SLC9C2: variants seen among roughly 807,000 people sequenced by gnomAD.
SLC9C2 encodes the protein solute carrier family 9 member C2 (putative), also known as sodium/hydrogen exchanger 11.
A neutral mutation model predicts 140.2 loss-of-function variants in SLC9C2; 75 were observed. The observed-to-expected ratio is 0.53, with a 90% confidence interval of 0.44 to 0.65. SLC9C2 has a LOEUF of 0.65. Among genes scored for constraint, SLC9C2 ranks in the 30% least tolerant of loss-of-function variants. The pLI is 0.00. For missense variants in SLC9C2, 1,074 were observed against 1,331.8 expected (o/e 0.81, Z 3.01); for synonymous variants, 375 against 420.9 (o/e 0.89, Z 1.34).
rs1304209360 is a variant in SLC9C2, at chr1:173,550,440, A to ATT, written c.1298-1890_1298-1889dup. 3.2e-3 allele frequency among the ~76,000 whole-genome samples: 399 copies of ATT among 124,214 alleles called. 8 individuals carry two copies. Among genetic ancestry groups the ATT allele is most frequent in the African/African-American group, 0.014 (382 of 27,156 alleles). The allele number at this position is 124,214 out of a possible 152,430, so 81.5% of individuals were successfully genotyped here. On this transcript the variant is annotated intron_variant, in intron 11 of 27. Coordinates refer to ENST00000367714, the MANE Select transcript of SLC9C2 (RefSeq NM_178527.4). Reference sequence around the variant, plus strand: ...TTTTATTTTATTTATTTATTTATTTATTTATTTATTTATTTTTGAGGAGGA... The same window carrying ATT: ...TTTTATTTTATTTATTTATTTATTTATTTTTATTTATTTATTTTTGAGGAGGA...
At chr1:173,591,056 G>C (rs774085914) in intron 4 of SLC9C2, among the ~76,000 whole-genome samples, 16 of 152,038 alleles carry the variant, frequency 1.1e-4, no homozygotes, top group Non-Finnish European at 2.2e-4. Context: ...GTAGGCCCCA[G>C]TGTCTGTTGT....
chr1:173,577,042 A>G (rs2102198734), intron 7 of SLC9C2, among the ~76,000 whole-genome samples: 1 of 152,356 alleles, frequency 6.6e-6, no homozygotes, highest in East Asian at 1.9e-4. Flanking sequence ...TAATATGTAA[A>G]TGGATGTGTC....
intron 27 of SLC9C2, among the ~76,000 whole-genome samples, chr1:173,501,505 CTT>C (rs35363966): frequency 6.2e-5 from 6 of 96,338 alleles, no homozygotes; most frequent in Middle Eastern, 8.1e-3. Context: ...TTATTTGACT[CTT>C]TTTTTTTTTT....
chr1:173,512,095 A>G (rs891217582), intron 23 of SLC9C2, among the ~76,000 whole-genome samples: 2 of 152,182 alleles, frequency 1.3e-5, no homozygotes, highest in Non-Finnish European at 2.9e-5. Flanking sequence ...TGATGCCTCC[A>G]GCTTTGTTCT....
intron 5 of SLC9C2, 132 bp downstream of exon 5, chr1:173,587,533 C>T: frequency 1.2e-6 from 1 of 825,680 alleles, no homozygotes; most frequent in Non-Finnish European, 1.8e-6. Context: ...AGTGCTCTAC[C>T]TCTCAAGGTG....
chr1:173,549,910 G>A (rs1262067310), intron 11 of SLC9C2, among the ~76,000 whole-genome samples: 3 of 152,098 alleles, frequency 2.0e-5, no homozygotes, highest in Admixed American at 6.5e-5. Context: ...AGAGTAGGAG[G>A]AATCACAAGA....
intron 2 of SLC9C2, among the ~76,000 whole-genome samples, 148 bp downstream of exon 2, chr1:173,601,485 ATAGACACTACTTATAAT>A (rs1666780001): frequency 6.6e-6 from 1 of 152,228 alleles, no homozygotes; most frequent in African/African-American, 2.4e-5. Context: ...GGAATATAGA[ATAGACACTACTTATAAT>A]TAAATGAAGC....
chr1:173,591,085 G>A (rs1242407618), intron 4 of SLC9C2, among the ~76,000 whole-genome samples: 2 of 152,000 alleles, frequency 1.3e-5, no homozygotes, highest in African/African-American at 4.8e-5. Flanking sequence ...TTGTGTCCAT[G>A]AGTTCTCACC....
At chr1:173,597,476 T>G (rs922588540) in intron 4 of SLC9C2, among the ~76,000 whole-genome samples, 1 of 150,364 alleles carries the variant, frequency 6.7e-6, no homozygotes, top group African/African-American at 2.5e-5. Context: ...AAAAAAGAAA[T>G]AAAACAGTAC....
In SLC9C2 at chr1:173,506,977, C is replaced by T. The variant is rs1175278114; in HGVS notation, c.3104G>A (p.Ser1035Asn). 1 of 1,612,326 alleles carries T rather than the reference C, an allele frequency of 6.2e-7. No homozygotes were observed. Among genetic ancestry groups the T allele is most frequent in the Admixed American group, 1.7e-5 (1 of 59,694 alleles). ...GGTCATATTATCAATAATCATGTCACTATAGCTTGATAAAGTTTCCACATA... is the reference window on the plus strand; with the variant it reads ...GGTCATATTATCAATAATCATGTCATTATAGCTTGATAAAGTTTCCACATA... The part of the protein sequence containing the change: ...QAYVETLSSY[S>N]DMIIDNMTMK... Residue 1035 changes from serine (S) to asparagine (N), a missense_variant, in exon 25 of 28, where the codon AGT becomes AAT. Coordinates refer to ENST00000367714, the MANE Select transcript of SLC9C2 (RefSeq NM_178527.4).
At chr1:173,546,668 A>C (rs1368217554) in intron 13 of SLC9C2, among the ~76,000 whole-genome samples, 1 of 152,192 alleles carries the variant, frequency 6.6e-6, no homozygotes, top group Non-Finnish European at 1.5e-5. Context: ...ATGTTAACAG[A>C]GATTTGAAGG....
intron 4 of SLC9C2, among the ~76,000 whole-genome samples, chr1:173,594,354 T>C (rs1216381385): frequency 2.0e-5 from 3 of 152,234 alleles, no homozygotes; most frequent in Non-Finnish European, 4.4e-5. Flanking sequence ...AGAAGATAAA[T>C]ATGCTAATTA....
At chr1:173,533,829 C>G in intron 16 of SLC9C2, 32 bp from the exon 17 acceptor site, 1 of 1,558,118 alleles carries the variant, frequency 6.4e-7, no homozygotes, top group South Asian at 1.2e-5. Context: ...TTTCATAGCA[C>G]CTATACAGTA....
intron 9 of SLC9C2, among the ~76,000 whole-genome samples, chr1:173,565,747 C>T (rs747020999): frequency 1.3e-5 from 2 of 152,016 alleles, no homozygotes; most frequent in Non-Finnish European, 2.9e-5. Context: ...CTGTGAAGAA[C>T]GTAATTGGTA....
intron 13 of SLC9C2, 48 bp downstream of exon 13, chr1:173,547,624 CATATGCAAGGATCAAAG>C (rs1571529108): frequency 2.5e-6 from 3 of 1,216,300 alleles, no homozygotes; most frequent in Non-Finnish European, 3.6e-6. Context: ...ATCTGAAAAT[CATATGCAAGGATCAAAG>C]ACATTGCAAG....
rs1415261917 is a variant in SLC9C2, at chr1:173,535,726, AAT to A, written c.1775+102_1775+103del. ...CACCCAATCAGTGAAAATAAACCATAATATAGTTTTTCTCAAATAAGGAAAAT... is the reference window on the plus strand; with the variant it reads ...CACCCAATCAGTGAAAATAAACCATAATAGTTTTTCTCAAATAAGGAAAAT... On this transcript the variant is annotated intron_variant, in intron 15 of 27. Coordinates refer to ENST00000367714, the MANE Select transcript of SLC9C2 (RefSeq NM_178527.4). 5 of 1,306,598 alleles carry A rather than the reference AAT, an allele frequency of 3.8e-6. No homozygotes were observed. In the East Asian group the frequency reaches 1.3e-4, roughly 33 times the overall value. 80.9% of individuals were successfully genotyped at this position (1,306,598 alleles called of 1,614,324 possible).
chr1:173,599,721 A>C (rs1023448560), intron 3 of SLC9C2, among the ~76,000 whole-genome samples: 3 of 151,852 alleles, frequency 2.0e-5, no homozygotes, highest in Non-Finnish European at 4.4e-5. Flanking sequence ...CTCATGCCTC[A>C]GCCTCCTAAG....
intron 7 of SLC9C2, among the ~76,000 whole-genome samples, chr1:173,579,913 T>C (rs539701155): frequency 1.3e-5 from 2 of 152,320 alleles, no homozygotes; most frequent in South Asian, 4.1e-4. Flanking sequence ...CCTCAATTCA[T>C]ACACATCTGG....
intron 5 of SLC9C2, among the ~76,000 whole-genome samples, chr1:173,584,574 G>A (rs1366535480): frequency 6.6e-6 from 1 of 152,008 alleles, no homozygotes; most frequent in East Asian, 1.9e-4. Flanking sequence ...TGTGACTTTT[G>A]TCTCTGGCTG....
Sources: allele counts gnomAD v4.1 joint callset (sites outside exome capture counted in the v4.1 genomes callset), GRCh38; gene constraint gnomAD v4.1.1; transcripts MANE v1.5; gene names NCBI Gene and HGNC (gene_info 2026-07-23, HGNC 2026-07-21).